NUP214: variants seen among roughly 807,000 people sequenced by gnomAD.
NUP214 encodes nuclear pore complex protein Nup214.
In NUP214, 79 loss-of-function variants were observed where a neutral mutation model predicts 196.2. The ratio of observed to expected loss-of-function variants is 0.40; its 90% CI spans 0.34 to 0.49. The LOEUF (loss-of-function observed/expected upper bound fraction) is 0.49. Ranked by LOEUF, NUP214 falls within the 20% of genes least tolerant of loss-of-function variation. NUP214 has a pLI of 0.58. For missense variants in NUP214, 2,468 were observed against 2,539.0 expected (o/e 0.97, Z 0.60); for synonymous variants, 1,020 against 990.5 (o/e 1.03, Z -0.56).
rs1832348515 is a variant in NUP214, at chr9:131,153,895, A to G, written c.2436+2001A>G. On this transcript the variant is annotated intron_variant, in intron 17 of 35. Coordinates refer to ENST00000359428, the MANE Select transcript of NUP214 (RefSeq NM_005085.4). ...GTAAGTGACAGAGAGAAAGACGAACATGTAAATGTAGTGTGGGATATGTTG... is the reference window on the plus strand; with the variant it reads ...GTAAGTGACAGAGAGAAAGACGAACGTGTAAATGTAGTGTGGGATATGTTG... 2.6e-5 allele frequency among the ~76,000 whole-genome samples: 4 copies of G among 152,230 alleles called. No homozygotes were observed. In the South Asian group the frequency reaches 8.3e-4, roughly 32 times the overall value.
chr9:131,169,623 A>G (rs1832897640), intron 21 of NUP214, among the ~76,000 whole-genome samples: 1 of 152,244 alleles, frequency 6.6e-6, no homozygotes, highest in Admixed American at 6.5e-5. Flanking sequence ...AGAACATTTC[A>G]TCATTGCAGA....
At chr9:131,219,029 C>CG (rs1396854696) in intron 31 of NUP214, among the ~76,000 whole-genome samples, 10 of 152,120 alleles carry the variant, frequency 6.6e-5, no homozygotes, top group African/African-American at 2.4e-4. Context: ...CCACCATGAT[C>CG]GCTCCCTCTC....
chr9:131,145,654 C>T (rs1450535035), intron 12 of NUP214, among the ~76,000 whole-genome samples: 3 of 152,178 alleles, frequency 2.0e-5, no homozygotes, highest in Non-Finnish European at 4.4e-5. Context: ...ACCGACTTTA[C>T]ATTTCCTTTA....
chr9:131,215,130 GCAC>G, intron 30 of NUP214, 79 bp from the exon 31 acceptor site: 1 of 1,299,098 alleles, frequency 7.7e-7, no homozygotes, highest in Non-Finnish European at 1.0e-6. Context: ...CCAGCTGTGA[GCAC>G]CTCCTGCCCA....
intron 25 of NUP214, 85 bp downstream of exon 25, chr9:131,187,449 C>A: frequency 9.9e-7 from 1 of 1,012,274 alleles, no homozygotes; most frequent in Non-Finnish European, 1.4e-6. Context: ...TGCAGTGGTG[C>A]GATCTTGGCT....
intron 14 of NUP214, among the ~76,000 whole-genome samples, chr9:131,148,972 TG>T (rs1343615408): frequency 6.6e-6 from 1 of 152,240 alleles, no homozygotes; most frequent in Non-Finnish European, 1.5e-5. Flanking sequence ...GTCAAAAAGA[TG>T]TTTTTCTAAA....
intron 18 of NUP214, among the ~76,000 whole-genome samples, chr9:131,162,566 G>A (rs1832672925): frequency 6.6e-6 from 1 of 152,058 alleles, no homozygotes; most frequent in Admixed American, 6.6e-5. Context: ...ACAATAGTCT[G>A]AAGAATTAAC....
chr9:131,223,408 G>A (rs1325398563), intron 32 of NUP214, among the ~76,000 whole-genome samples: 3 of 151,892 alleles, frequency 2.0e-5, no homozygotes, highest in Non-Finnish European at 4.4e-5. Flanking sequence ...CTTGTGATCC[G>A]CCCACCTCGG....
rs565142033 is a variant in NUP214, at chr9:131,233,575, G to A, written c.*88G>A. ...AATGCTGGAGCAGGCTGTTCAGACC[G>A]ACGTTGCCATCAAAACACATACACC... is the stretch of plus-strand genomic sequence containing the variant. On this transcript the variant is annotated 3_prime_UTR_variant, in exon 36 of 36. Transcript: ENST00000359428. The A allele has an allele frequency of 3.6e-4, 538 of 1,476,992 alleles. 3 individuals carry two copies. The highest frequency in any genetic ancestry group is 2.3e-3 in the South Asian group (204 of 87,036). The allele number at this position is 1,476,992 out of a possible 1,614,324, so 91.5% of individuals were successfully genotyped here.
chr9:131,199,087 A>G, intron 29 of NUP214, 72 bp downstream of exon 29: 1 of 1,500,548 alleles, frequency 6.7e-7, no homozygotes, highest in South Asian at 1.4e-5. Context: ...GACCCCTATT[A>G]CTTTTGTAAT....
At chr9:131,205,736 C>A (rs1233941872) in intron 30 of NUP214, among the ~76,000 whole-genome samples, 2 of 152,058 alleles carry the variant, frequency 1.3e-5, no homozygotes, top group African/African-American at 2.4e-5. Flanking sequence ...ACTCTGTTGC[C>A]CAGGCTGGAG....
chr9:131,136,052 T>C, intron 9 of NUP214, 46 bp downstream of exon 9: 1 of 1,465,492 alleles, frequency 6.8e-7, no homozygotes, highest in South Asian at 1.2e-5. Context: ...TTTTTTAAAT[T>C]ATTATTTTGA....
intron 30 of NUP214, among the ~76,000 whole-genome samples, chr9:131,212,821 AATG>A (rs1834283455): frequency 6.6e-6 from 1 of 152,196 alleles, no homozygotes; most frequent in African/African-American, 2.4e-5. Flanking sequence ...TAGTGGATGA[AATG>A]ATATGTCTGA....
intron 21 of NUP214, among the ~76,000 whole-genome samples, chr9:131,166,458 C>T (rs1351132428): frequency 1.3e-4 from 20 of 152,204 alleles, no homozygotes; most frequent in Admixed American, 1.2e-3. Context: ...TCTCTGCCCA[C>T]ATGAAGCTTT....
chr9:131,134,025 C>T (rs1831640806), intron 7 of NUP214, among the ~76,000 whole-genome samples: 2 of 152,216 alleles, frequency 1.3e-5, no homozygotes, highest in South Asian at 4.1e-4. Flanking sequence ...CAGCTCACTA[C>T]AGCCTCAAAT....
chr9:131,203,067 T>C (rs1377621877), intron 30 of NUP214, among the ~76,000 whole-genome samples: 1 of 151,904 alleles, frequency 6.6e-6, no homozygotes, highest in African/African-American at 2.4e-5. Flanking sequence ...TGCCTCAGCC[T>C]CCCGAGTAGC....
chr9:131,171,799 C>T (rs1336173578), intron 21 of NUP214, among the ~76,000 whole-genome samples: 4 of 151,948 alleles, frequency 2.6e-5, no homozygotes, highest in Admixed American at 2.0e-4. Context: ...TGAGAACATG[C>T]GGTGTTTGGT....
intron 17 of NUP214, among the ~76,000 whole-genome samples, chr9:131,154,856 C>A (rs1443815871): frequency 3.3e-5 from 5 of 152,166 alleles, no homozygotes; most frequent in Admixed American, 3.3e-4. Context: ...CACGCGCACG[C>A]TCGCGTGTGT....
At position 131,156,173 on chromosome 9, in the gene NUP214, C is replaced by T. The variant is rs1832433520; in HGVS notation, c.2437-3210C>T. 3.4e-5 allele frequency among the ~76,000 whole-genome samples: 5 copies of T among 147,552 alleles called. No individual in the cohort carries two copies. The South Asian group carries it at 1.1e-3, about 32-fold the overall frequency. On this transcript the variant is annotated intron_variant, in intron 17 of 35. Transcript: ENST00000359428. ...TTTGAGACGGAGTCTTGCTCTGTCA[C>T]CCAGGCTGGAGTACAGTGGCACGAT... is the stretch of plus-strand genomic sequence containing the variant.
Sources: allele counts gnomAD v4.1 joint callset (sites outside exome capture counted in the v4.1 genomes callset), GRCh38; gene constraint gnomAD v4.1.1; transcripts MANE v1.5; gene names NCBI Gene and HGNC (gene_info 2026-07-23, HGNC 2026-07-21).